Variants in DMD observed in about 807,000 individuals in gnomAD.
The protein encoded by DMD is dystrophin, also known as mutant dystrophin.
A neutral mutation model predicts 330.1 loss-of-function variants in DMD; 63 were observed. That is an observed-to-expected ratio of 0.19 (90% CI 0.16 to 0.24). The LOEUF (loss-of-function observed/expected upper bound fraction) is 0.24, where lower values mean the gene tolerates loss of function less well. Ranked by LOEUF, DMD falls within the 10% of genes least tolerant of loss-of-function variation. The pLI, the probability that DMD is intolerant of heterozygous loss-of-function variation, is 1.00. For synonymous variants in DMD, 1,223 were observed against 959.8 expected, an observed-to-expected ratio of 1.27 and a Z score of -5.07; for missense variants, 3,344 against 2,684.1, an observed-to-expected ratio of 1.25 and a Z score of -5.43.
At position 31,503,433 on chromosome X, in the gene DMD, A is replaced by T. The variant is rs139561243; in HGVS notation, c.8390+3848T>A. Among the ~76,000 whole-genome samples, 972 of 112,320 alleles carry T rather than the reference A, an allele frequency of 8.7e-3. 7 individuals are homozygous for T. The highest frequency in any genetic ancestry group is 0.029 in the African/African-American group (914 of 31,017). On this transcript the variant is annotated intron_variant, in intron 56 of 78. Transcript: ENST00000357033. ...AAGACAGTTAGTGACAGAATAGAAC[A>T]GAAGGGAAACTGGGTTGCCCAGCTG... is the stretch of plus-strand genomic sequence containing the variant.
At chrX:32,558,655 C>T (rs1213177931) in intron 16 of DMD, among the ~76,000 whole-genome samples, 1 of 111,407 alleles carries the variant, frequency 9.0e-6, no homozygotes, top group Non-Finnish European at 1.9e-5. Flanking sequence ...CAAAGAGAAA[C>T]ATATCAAAGA....
intron 7 of DMD, among the ~76,000 whole-genome samples, chrX:32,739,401 T>A (rs1216188463): frequency 7.2e-5 from 8 of 111,727 alleles, no homozygotes; most frequent in African/African-American, 2.6e-4. Flanking sequence ...ATGAGTGCGC[T>A]TGAAAACAGT....
At chrX:31,454,951 CTT>C (rs61091457) in intron 59 of DMD, among the ~76,000 whole-genome samples, 176 of 80,151 alleles carry the variant, frequency 2.2e-3, no homozygotes, top group African/African-American at 8.4e-3. Flanking sequence ...TTTTCTTTTT[CTT>C]TTTTTTTTTT....
chrX:32,681,111 C>G (rs1006891103), intron 9 of DMD, among the ~76,000 whole-genome samples: 19 of 112,072 alleles, frequency 1.7e-4, no homozygotes, highest in African/African-American at 6.2e-4. Context: ...TCGTCCATCT[C>G]TTAAGCATAG....
intron 50 of DMD, among the ~76,000 whole-genome samples, chrX:31,803,057 TC>T (rs1266237283): frequency 8.9e-6 from 1 of 112,098 alleles, no homozygotes; most frequent in Non-Finnish European, 1.9e-5. Flanking sequence ...CACAGAGAAT[TC>T]CCCTTGCCCC....
chrX:32,310,777 C>T (rs778644359), intron 41 of DMD, among the ~76,000 whole-genome samples: 19 of 110,758 alleles, frequency 1.7e-4, no homozygotes, highest in South Asian at 1.5e-3. Flanking sequence ...TGGTATGTAA[C>T]TTTGTATTAA....
intron 52 of DMD, among the ~76,000 whole-genome samples, chrX:31,683,015 C>T (rs2082470610): frequency 8.9e-6 from 1 of 112,071 alleles, no homozygotes; most frequent in African/African-American, 3.2e-5. Flanking sequence ...TGAATGCTTG[C>T]TCAATAATAG....
intron 62 of DMD, chrX:31,266,885 G>C (rs1264094337): frequency 2.5e-6 from 3 of 1,188,972 alleles, no homozygotes; most frequent in African/African-American, 3.6e-5. Flanking sequence ...GAGCTTCCCA[G>C]AGCCGCCGGG....
chrX:32,774,500 C>A (rs2073950055), intron 7 of DMD, among the ~76,000 whole-genome samples: 1 of 111,678 alleles, frequency 9.0e-6, no homozygotes, highest in African/African-American at 3.3e-5. Context: ...AATTGATTCA[C>A]AGTTCCGCAT....
At chrX:32,832,167 G>C (rs2079206618) in intron 4 of DMD, among the ~76,000 whole-genome samples, 1 of 110,972 alleles carries the variant, frequency 9.0e-6, no homozygotes, top group Non-Finnish European at 1.9e-5. Flanking sequence ...CTAAGGGAGG[G>C]GGATAAGGGT....
intron 60 of DMD, among the ~76,000 whole-genome samples, chrX:31,363,238 A>G (rs748309384): frequency 1.6e-4 from 18 of 111,462 alleles, no homozygotes; most frequent in Non-Finnish European, 3.2e-4. Context: ...AATTCAATCT[A>G]CCCTTTCTGG....
rs745788738 is a variant in DMD at position 33,021,846 on chromosome X, GAAGT to G, written c.32-1650_32-1647del. 2.7e-5 allele frequency among the ~76,000 whole-genome samples: 3 copies of G among 111,333 alleles called. No homozygotes were observed. The South Asian group carries it at 1.1e-3, about 42-fold the overall frequency. ...TATGATAAATCTTAGCTACAATATG[GAAGT>G]ATTTCCTTTGTTGACAAGGGTGAAT... On this transcript the variant is annotated intron_variant, in intron 1 of 78. Transcript: ENST00000357033.
rs1186620809 is a variant in DMD, at chrX:32,261,395, T to C, written c.6290+26134A>G. 2.7e-5 allele frequency among the ~76,000 whole-genome samples: 3 copies of C among 111,451 alleles called. No individual in the cohort carries two copies. The East Asian group carries it at 8.5e-4, about 31-fold the overall frequency. ...AGGGAGGGCATGAAAACATAAAAAG[T>C]GTACAGAATCCAGTAAATGGCAAAA... On this transcript the variant is annotated intron_variant, in intron 43 of 78. Transcript: ENST00000357033.
chrX:32,603,895 G>A (rs1460033143), intron 12 of DMD, among the ~76,000 whole-genome samples: 2 of 111,187 alleles, frequency 1.8e-5, no homozygotes, highest in Non-Finnish European at 3.8e-5. Flanking sequence ...AGGACCAGAC[G>A]TATTCACAGC....
At chrX:32,813,683 A>G (rs1453822187) in intron 6 of DMD, among the ~76,000 whole-genome samples, 3 of 111,873 alleles carry the variant, frequency 2.7e-5, no homozygotes, top group Non-Finnish European at 5.6e-5. Flanking sequence ...CAGAACTGAT[A>G]TAAATGTTAC....
At chrX:33,098,988 G>A (rs1323619768) in intron 1 of DMD, among the ~76,000 whole-genome samples, 1 of 112,256 alleles carries the variant, frequency 8.9e-6, no homozygotes, top group Non-Finnish European at 1.9e-5. Context: ...AAGAGGAACA[G>A]GCTATGACCT....
At chrX:31,751,329 C>T (rs1017187546) in intron 51 of DMD, among the ~76,000 whole-genome samples, 6 of 111,479 alleles carry the variant, frequency 5.4e-5, no homozygotes, top group African/African-American at 1.6e-4. Context: ...TCTTCCCAAG[C>T]AACTCTGCTT....
intron 20 of DMD, among the ~76,000 whole-genome samples, chrX:32,488,457 C>T (rs1454962187): frequency 9.0e-6 from 1 of 111,437 alleles, no homozygotes; most frequent in Non-Finnish European, 1.9e-5. Context: ...TAAAACTTCT[C>T]CAAATAAAAT....
chrX:32,613,955 C>T (rs1280951958), intron 12 of DMD, among the ~76,000 whole-genome samples: 2 of 110,320 alleles, frequency 1.8e-5, no homozygotes, highest in African/African-American at 6.6e-5. Flanking sequence ...GGCCTTTTCA[C>T]AGAGTTTTCA....
Sources: gnomAD v4.1 joint callset for allele counts (sites outside exome capture counted in the v4.1 genomes callset) on GRCh38, gnomAD v4.1.1 for gene constraint, MANE v1.5 for transcripts, NCBI Gene and HGNC (gene_info 2026-07-23, HGNC 2026-07-21) for gene names.